Variants in VOPP1 observed in about 807,000 individuals in gnomAD.
VOPP1 encodes VOPP1 WW domain binding protein.
Under a neutral mutation model 23.5 loss-of-function variants are expected in VOPP1, and 8 were observed. The observed-to-expected ratio is 0.34, with a 90% CI of 0.20 to 0.61. The LOEUF (loss-of-function observed/expected upper bound fraction) is 0.61, where lower values mean the gene tolerates loss of function less well. Among genes scored for constraint, VOPP1 ranks in the 20% least tolerant of loss-of-function variants. The pLI is 0.78. For synonymous variants in VOPP1, 83 were observed against 97.3 expected (o/e 0.85, Z 0.86); for missense variants, 174 against 238.1 (o/e 0.73, Z 1.77).
intron 1 of VOPP1, among the ~76,000 whole-genome samples, chr7:55,529,797 T>C (rs1002910184): frequency 5.3e-5 from 8 of 152,332 alleles, no homozygotes; most frequent in Non-Finnish European, 1.2e-4. Context: ...TTATCCATAG[T>C]CTTGCCTTTG....
intron 1 of VOPP1, chr7:55,537,481 A>G: frequency 6.5e-7 from 1 of 1,536,030 alleles, no homozygotes; most frequent in Non-Finnish European, 8.7e-7. Context: ...AGCAAACTGA[A>G]CCACCAGCCG....
intron 2 of VOPP1, among the ~76,000 whole-genome samples, chr7:55,499,086 C>T (rs576394501): frequency 1.3e-5 from 2 of 152,232 alleles, no homozygotes; most frequent in East Asian, 3.9e-4. Flanking sequence ...ACCCAGTACC[C>T]AAAGTGTTGT....
chr7:55,499,318 T>A (rs1473376683), intron 2 of VOPP1, among the ~76,000 whole-genome samples: 1 of 152,172 alleles, frequency 6.6e-6, no homozygotes, highest in Non-Finnish European at 1.5e-5. Flanking sequence ...CTGGGCATAG[T>A]GTGTGCACCT....
At chr7:55,490,626 AACCT>A (rs1029092269) in intron 4 of VOPP1, among the ~76,000 whole-genome samples, 1 of 152,098 alleles carries the variant, frequency 6.6e-6, no homozygotes, top group Non-Finnish European at 1.5e-5. Context: ...CCTGTACTAA[AACCT>A]CTCTGACTGA....
intron 2 of VOPP1, among the ~76,000 whole-genome samples, chr7:55,503,937 T>C (rs758334234): frequency 2.6e-5 from 4 of 152,338 alleles, no homozygotes; most frequent in Admixed American, 1.3e-4. Flanking sequence ...TTAGCAGTAA[T>C]TGTATTTAAA....
chr7:55,534,776 C>T (rs902959409), intron 1 of VOPP1, among the ~76,000 whole-genome samples: 3 of 152,238 alleles, frequency 2.0e-5, no homozygotes, highest in Non-Finnish European at 4.4e-5. Flanking sequence ...GACATCCCTA[C>T]AGCTGAGCGC....
At position 55,472,793 on chromosome 7, in the gene VOPP1, C is replaced by T. The variant is rs1347289583; in HGVS notation, c.*62G>A. The T allele has an allele frequency of 2.5e-5, 21 of 833,456 alleles. No individual in the cohort carries two copies. The highest frequency in any genetic ancestry group is 1.3e-4 in the Admixed American group (3 of 22,318). 51.6% of individuals were successfully genotyped at this position (833,456 alleles called of 1,614,324 possible). On this transcript the variant is annotated 3_prime_UTR_variant, in exon 5 of 5. Coordinates refer to ENST00000285279, the MANE Select transcript of VOPP1 (RefSeq NM_030796.5). ...GACCGTTCCTGGAAGTGAACATCAACGAAGACAGAAAGGCCAGGGAAAGGC... is the reference window on the plus strand; with the variant it reads ...GACCGTTCCTGGAAGTGAACATCAATGAAGACAGAAAGGCCAGGGAAAGGC...
chr7:55,544,077 T>G (rs1047806571), intron 1 of VOPP1, among the ~76,000 whole-genome samples: 2 of 152,200 alleles, frequency 1.3e-5, no homozygotes, highest in Admixed American at 1.3e-4. Flanking sequence ...TGATTTTGAG[T>G]TGATTTTTGT....
chr7:55,555,585 T>C (rs1190582245), intron 1 of VOPP1, among the ~76,000 whole-genome samples: 1 of 152,178 alleles, frequency 6.6e-6, no homozygotes, highest in Non-Finnish European at 1.5e-5. Flanking sequence ...TCATGCCATT[T>C]GGGTCCAGGG....
intron 1 of VOPP1, among the ~76,000 whole-genome samples, chr7:55,523,324 C>T (rs1451380450): frequency 3.3e-5 from 5 of 152,086 alleles, no homozygotes; most frequent in South Asian, 2.1e-4. Flanking sequence ...ACAGTTTGCA[C>T]ACATCAAAAC....
chr7:55,532,962 T>C (rs1796579090), intron 1 of VOPP1, among the ~76,000 whole-genome samples: 1 of 152,242 alleles, frequency 6.6e-6, no homozygotes, highest in South Asian at 2.1e-4. Context: ...GGGACTAAGC[T>C]GTTACAGCAA....
At chr7:55,510,413 G>A in intron 2 of VOPP1, among the ~76,000 whole-genome samples, 1 of 151,996 alleles carries the variant, frequency 6.6e-6, no homozygotes, top group Non-Finnish European at 1.5e-5. Flanking sequence ...GGAGGCCTGG[G>A]GAGTTTCTTC....
intron 4 of VOPP1, among the ~76,000 whole-genome samples, chr7:55,443,234 G>A (rs1354771491): frequency 1.3e-5 from 2 of 152,020 alleles, no homozygotes; most frequent in Non-Finnish European, 1.5e-5. Flanking sequence ...AACCTTATTT[G>A]GATCAGATAC....
At chr7:55,568,081 C>CTTTTTTCCTTT (rs1173286349) in intron 1 of VOPP1, among the ~76,000 whole-genome samples, 3 of 124,042 alleles carry the variant, frequency 2.4e-5, no homozygotes, top group African/African-American at 9.2e-5. Flanking sequence ...ACAACTATTC[C>CTTTTTTCCTTT]TTTTTTTTTT....
chr7:55,448,824 T>C (rs1165948845), intron 4 of VOPP1, among the ~76,000 whole-genome samples: 1 of 152,212 alleles, frequency 6.6e-6, no homozygotes, highest in Non-Finnish European at 1.5e-5. Context: ...AGGAGCAGCA[T>C]TGCCACCGCA....
chr7:55,521,573 C>T (rs79424601), intron 1 of VOPP1: 13,801 of 988,708 alleles, frequency 0.014, 102 homozygotes, highest in Middle Eastern at 0.024. Flanking sequence ...AGCCGCATTC[C>T]GACCTACGTC....
intron 4 of VOPP1, among the ~76,000 whole-genome samples, chr7:55,490,334 C>T (rs575598673): frequency 7.2e-5 from 11 of 152,054 alleles, no homozygotes; most frequent in East Asian, 1.9e-4. Context: ...ACAGATGGAG[C>T]GGGGTTAGGT....
At chr7:55,484,433 C>T (rs1247195606) in intron 4 of VOPP1, among the ~76,000 whole-genome samples, 1 of 152,102 alleles carries the variant, frequency 6.6e-6, no homozygotes, top group Non-Finnish European at 1.5e-5. Flanking sequence ...CTCCAACCTA[C>T]AGTCGCTGGG....
chr7:55,482,412 A>AG (rs1792795686), intron 4 of VOPP1, among the ~76,000 whole-genome samples: 1 of 144,158 alleles, frequency 6.9e-6, no homozygotes, highest in Non-Finnish European at 1.5e-5. Context: ...CAGTGGCGCT[A>AG]TCTAGGCTCA....
Sources: allele counts gnomAD v4.1 joint callset (sites outside exome capture counted in the v4.1 genomes callset), GRCh38; gene constraint gnomAD v4.1.1; transcripts MANE v1.5; gene names NCBI Gene and HGNC (gene_info 2026-07-23, HGNC 2026-07-21).